Variants in MREG observed in about 807,000 individuals in gnomAD.
MREG encodes melanoregulin, also known as dilute suppressor protein homolog.
Under a neutral mutation model 28.5 loss-of-function variants are expected in MREG, and 31 were observed. That is an observed-to-expected ratio of 1.09 (90% CI 0.82 to 1.47). The LOEUF (loss-of-function observed/expected upper bound fraction) is 1.47, where lower values mean the gene tolerates loss of function less well. MREG is among the 40% of genes most tolerant of loss of function. The pLI is 0.00. For missense variants in MREG, 256 were observed against 257.4 expected (o/e 0.99, Z 0.04); for synonymous variants, 106 against 95.2 (o/e 1.11, Z -0.66).
chr2:215,991,551 T>C lies in MREG; in HGVS notation c.255+4755A>G, dbSNP rs180832189. Among the ~76,000 whole-genome samples the C allele has an allele frequency of 2.3e-4, 35 of 151,542 alleles. No homozygotes were observed. The East Asian group carries it at 4.3e-3, about 18-fold the overall frequency. ...AGAAATAACTAAGATCAGAGCAGAA[T>C]TGAAGGAGGTAGAGACACGAAAAAC... On this transcript the variant is annotated intron_variant, in intron 2 of 4. Coordinates refer to ENST00000263268, the MANE Select transcript of MREG (RefSeq NM_018000.3).
intron 1 of MREG, among the ~76,000 whole-genome samples, chr2:215,997,719 G>T (rs574004063): frequency 8.2e-4 from 125 of 152,290 alleles, no homozygotes; most frequent in Non-Finnish European, 1.5e-3. Flanking sequence ...TATGAAGGCA[G>T]GCGTCAGGTA....
chr2:215,943,675 A>G lies in MREG; in HGVS notation c.*1188T>C, dbSNP rs1289319585. The G allele has an allele frequency of 2.9e-6, 1 of 347,746 alleles. No homozygotes were observed. Among genetic ancestry groups the G allele is most frequent in the Non-Finnish European group, 5.7e-6 (1 of 175,842 alleles). 21.5% of individuals were successfully genotyped at this position (347,746 alleles called of 1,614,324 possible). ...GCTAACATGGTGAAACCCCGTCTCT[A>G]CTAAAAATACAAAAAATTAGCCAGG... On this transcript the variant is annotated 3_prime_UTR_variant, in exon 5 of 5. Transcript: ENST00000263268.
intron 2 of MREG, among the ~76,000 whole-genome samples, chr2:215,979,301 TA>T (rs1442336341): frequency 1.3e-5 from 2 of 151,758 alleles, no homozygotes; most frequent in African/African-American, 4.8e-5. Context: ...CCATCTCTAC[TA>T]AAAATACAAA....
At chr2:215,993,821 A>G (rs112727403) in intron 2 of MREG, among the ~76,000 whole-genome samples, 3,987 of 152,362 alleles carry the variant, frequency 0.026, 174 homozygotes, top group African/African-American at 0.09. Flanking sequence ...AAAGCTCATC[A>G]TCACTGGTCA....
At chr2:216,001,106 G>C (rs963140092) in intron 1 of MREG, among the ~76,000 whole-genome samples, 35 of 151,746 alleles carry the variant, frequency 2.3e-4, no homozygotes, top group African/African-American at 8.5e-4. Flanking sequence ...AGCTGTCTCT[G>C]CATCTCTGTC....
At chr2:215,998,026 C>T (rs891803828) in intron 1 of MREG, among the ~76,000 whole-genome samples, 25 of 152,038 alleles carry the variant, frequency 1.6e-4, no homozygotes, top group Non-Finnish European at 1.8e-4. Flanking sequence ...AAGACAGGGC[C>T]GGGCACGGTG....
At chr2:215,987,403 C>T (rs7602861) in intron 2 of MREG, among the ~76,000 whole-genome samples, 102,701 of 151,614 alleles carry the variant, frequency 0.68, 35,634 homozygotes, top group Non-Finnish European at 0.76. Flanking sequence ...AGTGCCATCA[C>T]GCCCGGCTAA....
In MREG at chr2:215,944,853, A is replaced by G; in HGVS notation, c.*10T>C. The G allele has an allele frequency of 1.9e-6, 3 of 1,573,748 alleles. No homozygotes were observed. Among genetic ancestry groups the G allele is most frequent in the Non-Finnish European group, 2.6e-6 (3 of 1,148,108 alleles). ...TGGAAGAATTCCCATTCTGCCCCTGAGCCTCTCCTTTAGGGACTTGGAAAC... is the reference window on the plus strand; with the variant it reads ...TGGAAGAATTCCCATTCTGCCCCTGGGCCTCTCCTTTAGGGACTTGGAAAC... On this transcript the variant is annotated 3_prime_UTR_variant, in exon 5 of 5. Coordinates refer to ENST00000263268, the MANE Select transcript of MREG (RefSeq NM_018000.3).
At chr2:215,953,562 G>GTGA (rs1214340983) in intron 2 of MREG, among the ~76,000 whole-genome samples, 1 of 152,222 alleles carries the variant, frequency 6.6e-6, no homozygotes, top group Non-Finnish European at 1.5e-5. Flanking sequence ...CCTGCACAAT[G>GTGA]TGATATGAAG....
rs1269792832 is a variant in MREG at position 216,013,476 on chromosome 2, C to G, written c.-149G>C. 1 of 284,672 alleles carries G rather than the reference C, an allele frequency of 3.5e-6. No individual in the cohort carries two copies. Among genetic ancestry groups the G allele is most frequent in the African/African-American group, 2.3e-5 (1 of 44,034 alleles). The allele number at this position is 284,672 out of a possible 1,614,324, so 17.6% of individuals were successfully genotyped here. A position where few individuals can be genotyped will look rare whatever the true frequency, so the allele number is the denominator to read the frequency against. On this transcript the variant is annotated 5_prime_UTR_variant, in exon 1 of 5. Coordinates refer to ENST00000263268, the MANE Select transcript of MREG (RefSeq NM_018000.3). The stretch of plus-strand genomic sequence containing the variant: ...GCGGGCTGGTCCGCGCGCATCACGC[C>G]GCGGCCGGGGACGCGGGCGAGGGCT...
intron 1 of MREG, 117 bp downstream of exon 1, chr2:216,013,116 G>C (rs1428066535): frequency 2.4e-6 from 2 of 830,346 alleles, no homozygotes; most frequent in Admixed American, 4.9e-5. Context: ...TGGCGCCTCC[G>C]CGTGCCCTTC....
chr2:215,984,052 T>C (rs1241694367), intron 2 of MREG, among the ~76,000 whole-genome samples: 1 of 152,204 alleles, frequency 6.6e-6, no homozygotes, highest in African/African-American at 2.4e-5. Context: ...AGAGGTTTAA[T>C]TGGACTTACA....
Position 215,943,300 on chromosome 2 carries a change from C to A in MREG, c.*1563G>T. 1 of 406,990 alleles carries A rather than the reference C, an allele frequency of 2.5e-6. No individual in the cohort carries two copies. The highest frequency in any genetic ancestry group is 5.0e-6 in the Non-Finnish European group (1 of 200,394). 25.2% of individuals were successfully genotyped at this position (406,990 alleles called of 1,614,324 possible). A position where few individuals can be genotyped will look rare whatever the true frequency, so the allele number is the denominator to read the frequency against. On this transcript the variant is annotated 3_prime_UTR_variant, in exon 5 of 5. Coordinates refer to ENST00000263268, the MANE Select transcript of MREG (RefSeq NM_018000.3). ...CTTAAGTGGCAAGTAACTTTTGAAG[C>A]TGGACTTCTCAATCTGTAGAGAGAA... is the stretch of plus-strand genomic sequence containing the variant.
chr2:216,009,315 T>G (rs1373158975), intron 1 of MREG, among the ~76,000 whole-genome samples: 1 of 151,590 alleles, frequency 6.6e-6, no homozygotes, highest in African/African-American at 2.4e-5. Flanking sequence ...TTCTAAACAG[T>G]GAAATTGCCA....
chr2:216,005,309 A>G (rs982334544), intron 1 of MREG, among the ~76,000 whole-genome samples: 1 of 152,238 alleles, frequency 6.6e-6, no homozygotes, highest in Non-Finnish European at 1.5e-5. Context: ...CAGGCAAAAC[A>G]AAAGTACATC....
intron 1 of MREG, among the ~76,000 whole-genome samples, chr2:216,031,430 AAAG>A (rs566793195): frequency 1.3e-3 from 29 of 22,560 alleles, no homozygotes; most frequent in African/African-American, 1.7e-3. Flanking sequence ...GAAAGAAAGA[AAAG>A]AAAGAAAGAA....
chr2:215,943,354 T>A lies in MREG; in HGVS notation c.*1509A>T. The A allele has an allele frequency of 2.2e-6, 1 of 456,342 alleles. No homozygotes were observed. Among genetic ancestry groups the A allele is most frequent in the Non-Finnish European group, 4.4e-6 (1 of 226,762 alleles). The allele number at this position is 456,342 out of a possible 1,614,324, so 28.3% of individuals were successfully genotyped here. A position where few individuals can be genotyped will look rare whatever the true frequency, so the allele number is the denominator to read the frequency against. Reference sequence around the variant, plus strand: ...AGCTGCATTCACAGCATTGCTCCCTTTTGAAAATTATCTTCTGAAGAGAAG... The same window carrying A: ...AGCTGCATTCACAGCATTGCTCCCTATTGAAAATTATCTTCTGAAGAGAAG... On this transcript the variant is annotated 3_prime_UTR_variant, in exon 5 of 5. Coordinates refer to ENST00000263268, the MANE Select transcript of MREG (RefSeq NM_018000.3).
At chr2:215,990,559 C>G (rs1424993367) in intron 2 of MREG, among the ~76,000 whole-genome samples, 2 of 152,084 alleles carry the variant, frequency 1.3e-5, no homozygotes, top group Non-Finnish European at 2.9e-5. Flanking sequence ...TAACCTTAAA[C>G]GTAAATAGGC....
chr2:215,951,662 T>C (rs1692490303), intron 2 of MREG, among the ~76,000 whole-genome samples: 1 of 152,154 alleles, frequency 6.6e-6, no homozygotes. Flanking sequence ...TAACTGAAGA[T>C]GTTTATAGCT....
Sources: allele counts gnomAD v4.1 joint callset (sites outside exome capture counted in the v4.1 genomes callset), GRCh38; gene constraint gnomAD v4.1.1; transcripts MANE v1.5; gene names NCBI Gene and HGNC (gene_info 2026-07-23, HGNC 2026-07-21).